The following ZNF618 variants were observed in gnomAD, a reference collection of about 807,000 sequenced individuals.
The protein encoded by ZNF618 is neural precursor cell expressed, developmentally down-regulated 10.
ZNF618 carries 34 observed loss-of-function variants against 103.0 expected under a neutral mutation model. That is an observed-to-expected ratio of 0.33 (90% CI 0.25 to 0.44). ZNF618 has a LOEUF of 0.44. Ranked by LOEUF, ZNF618 falls within the 20% of genes least tolerant of loss-of-function variation. The pLI is 1.00. For synonymous variants in ZNF618, 551 were observed against 542.2 expected (o/e 1.02, Z -0.23); for missense variants, 1,059 against 1,295.4 (o/e 0.82, Z 2.80).
intron 2 of ZNF618, among the ~76,000 whole-genome samples, chr9:113,978,728 T>G (rs1466780372): frequency 6.6e-6 from 1 of 152,206 alleles, no homozygotes; most frequent in Non-Finnish European, 1.5e-5. Flanking sequence ...CAGACAGACC[T>G]GGTGGAATTT....
At chr9:114,024,514 A>G (rs1358446145) in intron 10 of ZNF618, among the ~76,000 whole-genome samples, 1 of 152,264 alleles carries the variant, frequency 6.6e-6, no homozygotes, top group Non-Finnish European at 1.5e-5. Flanking sequence ...AAATCAACTC[A>G]ATACTTCAAA....
intron 1 of ZNF618, among the ~76,000 whole-genome samples, chr9:113,943,449 A>AGGGAGTGTCT (rs1489460270): frequency 9.7e-4 from 148 of 152,254 alleles, no homozygotes; most frequent in African/African-American, 3.3e-3. Flanking sequence ...GAGCTCTGTT[A>AGGGAGTGTCT]GGGAGTGTCT....
intron 13 of ZNF618, among the ~76,000 whole-genome samples, chr9:114,046,530 A>G (rs1845669559): frequency 6.6e-6 from 1 of 152,164 alleles, no homozygotes; most frequent in African/African-American, 2.4e-5. Flanking sequence ...TCCTAACAAC[A>G]CATTTCTCAG....
At chr9:114,042,216 G>A (rs549385229) in intron 13 of ZNF618, among the ~76,000 whole-genome samples, 20 of 152,340 alleles carry the variant, frequency 1.3e-4, no homozygotes, top group African/African-American at 4.8e-4. Flanking sequence ...ACTATTCAAA[G>A]CTAATCGCTG....
chr9:114,044,175 C>T (rs764865041), intron 13 of ZNF618, among the ~76,000 whole-genome samples: 24 of 152,102 alleles, frequency 1.6e-4, no homozygotes, highest in Non-Finnish European at 3.2e-4. Context: ...TTTATGGTTT[C>T]AGGCCTTAGA....
At chr9:113,979,702 G>C (rs539012398) in intron 2 of ZNF618, among the ~76,000 whole-genome samples, 3 of 152,346 alleles carry the variant, frequency 2.0e-5, no homozygotes, top group Admixed American at 6.5e-5. Context: ...TTGGTAAACA[G>C]CCTCTTGCTG....
intron 11 of ZNF618, among the ~76,000 whole-genome samples, chr9:114,032,411 C>T (rs1844160924): frequency 6.6e-6 from 1 of 152,104 alleles, no homozygotes; most frequent in Admixed American, 6.5e-5. Flanking sequence ...CATGTCACTC[C>T]CCCGGCCCCC....
chr9:113,965,971 C>T (rs528759148), intron 1 of ZNF618, among the ~76,000 whole-genome samples: 26 of 152,272 alleles, frequency 1.7e-4, no homozygotes, highest in African/African-American at 6.0e-4. Context: ...GCTTGGGATT[C>T]GGGGAAGGCC....
chr9:113,970,759 T>A (rs1249561902), intron 2 of ZNF618, among the ~76,000 whole-genome samples: 1 of 151,794 alleles, frequency 6.6e-6, no homozygotes, highest in East Asian at 1.9e-4. Flanking sequence ...GTATGTGGTG[T>A]GTGGCCTTCA....
chr9:113,899,112 T>G (rs940581838), intron 1 of ZNF618, among the ~76,000 whole-genome samples: 1 of 152,144 alleles, frequency 6.6e-6, no homozygotes, highest in Non-Finnish European at 1.5e-5. Flanking sequence ...ACTCCTTTTC[T>G]AGATTTTAAG....
At chr9:113,934,095 G>A (rs889986589) in intron 1 of ZNF618, among the ~76,000 whole-genome samples, 1 of 152,146 alleles carries the variant, frequency 6.6e-6, no homozygotes, top group Non-Finnish European at 1.5e-5. Flanking sequence ...AGAGTCAGAT[G>A]AGTTGTTAGT....
chr9:113,896,672 T>C (rs892210040), intron 1 of ZNF618, among the ~76,000 whole-genome samples: 1 of 152,074 alleles, frequency 6.6e-6, no homozygotes, highest in Non-Finnish European at 1.5e-5. Context: ...AGATATATTA[T>C]TAAGTTTTTC....
chr9:114,035,464 G>A (rs1331169417), intron 12 of ZNF618, among the ~76,000 whole-genome samples: 1 of 152,224 alleles, frequency 6.6e-6, no homozygotes, highest in Non-Finnish European at 1.5e-5. Context: ...TGGCTCTGCT[G>A]CCCCAGCCCT....
chr9:113,983,169 G>A (rs1304987072), intron 2 of ZNF618, among the ~76,000 whole-genome samples: 2 of 151,960 alleles, frequency 1.3e-5, no homozygotes, highest in Admixed American at 1.3e-4. Flanking sequence ...GAATATCCAA[G>A]GGCTCCACTG....
At chr9:113,883,489 C>T (rs1294700884) in intron 1 of ZNF618, among the ~76,000 whole-genome samples, 2 of 152,128 alleles carry the variant, frequency 1.3e-5, no homozygotes, top group Non-Finnish European at 2.9e-5. Flanking sequence ...ACACCAGGGG[C>T]CTGTTTGCAG....
In ZNF618 at chr9:114,048,790, C is replaced by T; in HGVS notation, c.1488C>T (p.Ala496=). 6.2e-7 allele frequency: 1 copy of T among 1,613,974 alleles called. No homozygotes were observed. Among genetic ancestry groups the T allele is most frequent in the Non-Finnish European group, 8.5e-7 (1 of 1,179,866 alleles). The change falls in exon 15 of 15, where the codon GCC becomes GCT. Residue 496 remains alanine (A), a synonymous_variant. Transcript: ENST00000374126. ...GCGGGAAGGAGTTCCTGAAGTTGGC[C>T]CAGACCTTAGTAGACAGTGGTGCCC... ...VVSGKEFLKL[A]QTLVDSGARY...
At chr9:113,964,480 CTCACCG>C (rs1837170785) in intron 1 of ZNF618, among the ~76,000 whole-genome samples, 1 of 152,032 alleles carries the variant, frequency 6.6e-6, no homozygotes, top group Non-Finnish European at 1.5e-5. Flanking sequence ...CTCCCCCACC[CTCACCG>C]CTTCCCGGGC....
At chr9:114,042,722 TAG>T (rs1483014218) in intron 13 of ZNF618, among the ~76,000 whole-genome samples, 1 of 152,102 alleles carries the variant, frequency 6.6e-6, no homozygotes, top group Admixed American at 6.5e-5. Context: ...CCCAGCTACT[TAG>T]GAGGCTCAGG....
At chr9:114,026,580 A>C (rs1467339060) in intron 10 of ZNF618, among the ~76,000 whole-genome samples, 1 of 152,222 alleles carries the variant, frequency 6.6e-6, no homozygotes, top group African/African-American at 2.4e-5. Flanking sequence ...AGAGCAGAGG[A>C]GTGCACGGCC....
Sources: allele counts gnomAD v4.1 joint callset (sites outside exome capture counted in the v4.1 genomes callset), GRCh38; gene constraint gnomAD v4.1.1; transcripts MANE v1.5; gene names NCBI Gene and HGNC (gene_info 2026-07-23, HGNC 2026-07-21).